SPAG9: variants seen among roughly 807,000 people sequenced by gnomAD.
SPAG9 encodes the protein C-Jun-amino-terminal kinase-interacting protein 4.
A neutral mutation model predicts 166.5 loss-of-function variants in SPAG9; 35 were observed. The observed-to-expected ratio is 0.21, with a 90% CI of 0.16 to 0.28. The LOEUF (loss-of-function observed/expected upper bound fraction) is 0.28, where lower values mean the gene tolerates loss of function less well. SPAG9 is among the 10% of genes least tolerant of loss of function. SPAG9 has a pLI of 1.00. For synonymous variants in SPAG9, 534 were observed against 565.5 expected (o/e 0.94, Z 0.79); for missense variants, 1,235 against 1,603.3 (o/e 0.77, Z 3.92).
chr17:51,036,485 T>C (rs550725971), intron 5 of SPAG9, among the ~76,000 whole-genome samples: 1 of 152,266 alleles, frequency 6.6e-6, no homozygotes, highest in South Asian at 2.1e-4. Flanking sequence ...TCTCTGCCAC[T>C]ACAGCCCTCC....
chr17:51,066,279 T>C (rs2047661764), intron 2 of SPAG9, among the ~76,000 whole-genome samples: 2 of 151,872 alleles, frequency 1.3e-5, no homozygotes, highest in Non-Finnish European at 2.9e-5. Flanking sequence ...CCAAGATAAT[T>C]TTTTGATTTT....
chr17:51,099,749 C>T (rs1276431629), intron 1 of SPAG9, among the ~76,000 whole-genome samples: 1 of 87,766 alleles, frequency 1.1e-5, no homozygotes, highest in Non-Finnish European at 2.0e-5. Context: ...TGAAAATATT[C>T]TTCTATTACT....
intron 19 of SPAG9, among the ~76,000 whole-genome samples, chr17:50,992,097 A>C (rs991784524): frequency 1.3e-5 from 2 of 151,756 alleles, no homozygotes; most frequent in African/African-American, 2.4e-5. Context: ...TATATTGCCC[A>C]GACTGGTCTC....
intron 6 of SPAG9, among the ~76,000 whole-genome samples, chr17:51,024,791 C>T (rs555437776): frequency 1.1e-4 from 17 of 151,432 alleles, no homozygotes; most frequent in Non-Finnish European, 1.5e-4. Flanking sequence ...GCACAAGAAT[C>T]GCTTGAATGG....
intron 6 of SPAG9, among the ~76,000 whole-genome samples, chr17:51,026,127 CTCCT>C (rs945160681): frequency 3.3e-5 from 5 of 151,918 alleles, no homozygotes; most frequent in Non-Finnish European, 4.4e-5. Context: ...TTTCTTCTTC[CTCCT>C]TATTATTCCA....
chr17:51,094,848 A>C (rs2048566519), intron 1 of SPAG9, among the ~76,000 whole-genome samples: 1 of 152,234 alleles, frequency 6.6e-6, no homozygotes, highest in South Asian at 2.1e-4. Flanking sequence ...CTATAAAACC[A>C]TTAAAAATAT....
chr17:51,080,886 CAAAAAAAAAAAAAAAA>C (rs200436430), intron 1 of SPAG9, among the ~76,000 whole-genome samples: 1 of 67,850 alleles, frequency 1.5e-5, no homozygotes, highest in African/African-American at 8.8e-5. Context: ...GACTCTATCT[CAAAAAAAAAAAAAAAA>C]AAAAAAAAAA....
intron 6 of SPAG9, among the ~76,000 whole-genome samples, chr17:51,028,285 A>G (rs975350553): frequency 1.3e-5 from 2 of 152,212 alleles, no homozygotes; most frequent in Admixed American, 6.5e-5. Context: ...AATGTAGTAT[A>G]GTTTAAGTGG....
At chr17:51,087,945 A>T (rs1374984427) in intron 1 of SPAG9, among the ~76,000 whole-genome samples, 1 of 152,016 alleles carries the variant, frequency 6.6e-6, no homozygotes. Context: ...AGGTCTCACC[A>T]TGTTGCCCAG....
At chr17:51,082,283 G>A (rs1006647352) in intron 1 of SPAG9, among the ~76,000 whole-genome samples, 1 of 149,856 alleles carries the variant, frequency 6.7e-6, no homozygotes, top group Non-Finnish European at 1.5e-5. Flanking sequence ...GCTGAGGCAG[G>A]AGAATTGCTT....
intron 27 of SPAG9, chr17:50,975,397 A>G: frequency 5.0e-6 from 1 of 200,472 alleles, no homozygotes; most frequent in Non-Finnish European, 1.0e-5. Context: ...ATTTCCCTTG[A>G]GGGGGTTGGT....
intron 1 of SPAG9, among the ~76,000 whole-genome samples, chr17:51,103,704 C>A (rs549320502): frequency 9.2e-5 from 14 of 152,084 alleles, no homozygotes; most frequent in Non-Finnish European, 1.8e-4. Flanking sequence ...AGTGAGAGGA[C>A]CACTTGAGCC....
chr17:51,082,377 CAAAAA>C (rs773287286), intron 1 of SPAG9, among the ~76,000 whole-genome samples: 3 of 48,962 alleles, frequency 6.1e-5, no homozygotes, highest in South Asian at 2.0e-3. Context: ...AAGACTGTCT[CAAAAA>C]AAAAAAAAAA....
intron 1 of SPAG9, among the ~76,000 whole-genome samples, chr17:51,089,665 C>CACACAT (rs1555658114): frequency 2.5e-4 from 11 of 44,370 alleles, no homozygotes; most frequent in African/African-American, 6.7e-4. Context: ...TATATATATA[C>CACACAT]ACATACACAC....
At chr17:51,018,866 C>T (rs1465088753) in intron 8 of SPAG9, among the ~76,000 whole-genome samples, 1 of 152,188 alleles carries the variant, frequency 6.6e-6, no homozygotes, top group Admixed American at 6.5e-5. Context: ...ACTTCCTTCA[C>T]TCCCGCTTCT....
intron 29 of SPAG9, among the ~76,000 whole-genome samples, chr17:50,966,611 G>A (rs1426545459): frequency 3.3e-5 from 5 of 152,150 alleles, no homozygotes; most frequent in African/African-American, 1.2e-4. Flanking sequence ...TTTTCAGACT[G>A]TATTTATAAA....
chr17:51,031,871 T>A lies in SPAG9; in HGVS notation c.742-149A>T. 2 of 718,922 alleles carry A rather than the reference T, an allele frequency of 2.8e-6. 1 individual carries two copies. Among genetic ancestry groups the A allele is most frequent in the East Asian group, 5.5e-5 (2 of 36,544 alleles). The allele number at this position is 718,922 out of a possible 1,614,324, so 44.5% of individuals were successfully genotyped here. On this transcript the variant is annotated intron_variant, in intron 5 of 29. Coordinates refer to ENST00000262013, the MANE Select transcript of SPAG9 (RefSeq NM_001130528.3). ...AAATGAGGGTTTGGAAGCTTTGTTTTATTTTGACTTAAGCTGACCTTAACA... is the reference window on the plus strand; with the variant it reads ...AAATGAGGGTTTGGAAGCTTTGTTTAATTTTGACTTAAGCTGACCTTAACA...
chr17:51,095,958 GAT>G (rs113132091), intron 1 of SPAG9, among the ~76,000 whole-genome samples: 10,447 of 97,982 alleles, frequency 0.11, 990 homozygotes, highest in African/African-American at 0.2. Context: ...TATATATAGT[GAT>G]ATATATATAT....
intron 9 of SPAG9, among the ~76,000 whole-genome samples, chr17:51,010,582 A>AAT (rs994068022): frequency 0.013 from 1,702 of 130,498 alleles, 19 homozygotes; most frequent in Middle Eastern, 0.024. Flanking sequence ...AAAAAAAAAA[A>AAT]ATATATATAT....
Sources: gnomAD v4.1 joint callset for allele counts (sites outside exome capture counted in the v4.1 genomes callset) on GRCh38, gnomAD v4.1.1 for gene constraint, MANE v1.5 for transcripts, NCBI Gene and HGNC (gene_info 2026-07-23, HGNC 2026-07-21) for gene names.